The following VTI1A variants were observed in gnomAD, a reference collection of about 807,000 sequenced individuals.
The protein encoded by VTI1A is vesicle transport through interaction with t-SNAREs homolog 1A.
Under a neutral mutation model 34.9 loss-of-function variants are expected in VTI1A, and 22 were observed. The ratio of observed to expected loss-of-function variants is 0.63; its 90% CI spans 0.45 to 0.90. The LOEUF is 0.90. Ranked by LOEUF, VTI1A falls within the 40% of genes least tolerant of loss-of-function variation. VTI1A has a pLI of 0.00. For synonymous variants in VTI1A, 87 were observed against 97.3 expected (o/e 0.89, Z 0.62); for missense variants, 268 against 275.6 (o/e 0.97, Z 0.20).
At chr10:112,747,941 A>G (rs1850958445) in intron 7 of VTI1A, among the ~76,000 whole-genome samples, 1 of 152,204 alleles carries the variant, frequency 6.6e-6, no homozygotes. Flanking sequence ...ACGCCCAGAC[A>G]GGGTCCTGGA....
At chr10:112,755,166 G>A (rs1054751445) in intron 7 of VTI1A, among the ~76,000 whole-genome samples, 4 of 152,224 alleles carry the variant, frequency 2.6e-5, no homozygotes, top group South Asian at 4.1e-4. Context: ...TGAGGCACGA[G>A]AATCATTGGA....
chr10:112,638,658 T>G (rs1046677214), intron 5 of VTI1A, among the ~76,000 whole-genome samples: 2 of 152,000 alleles, frequency 1.3e-5, no homozygotes, highest in African/African-American at 4.8e-5. Flanking sequence ...TATTGTCAAA[T>G]AGATTCAGCT....
intron 3 of VTI1A, among the ~76,000 whole-genome samples, chr10:112,489,232 G>C (rs1848743805): frequency 6.6e-6 from 1 of 152,172 alleles, no homozygotes; most frequent in African/African-American, 2.4e-5. Flanking sequence ...TGATCCCTGA[G>C]ATCTCTTCCA....
intron 7 of VTI1A, among the ~76,000 whole-genome samples, chr10:112,797,065 G>A (rs1018940183): frequency 2.6e-5 from 4 of 152,156 alleles, no homozygotes; most frequent in African/African-American, 7.2e-5. Context: ...CTAGCAAGGC[G>A]GAGGTGTGCA....
chr10:112,761,770 C>CTGTGTGTG (rs57330053), intron 7 of VTI1A, among the ~76,000 whole-genome samples: 2,550 of 145,906 alleles, frequency 0.017, 66 homozygotes, highest in African/African-American at 0.06. Context: ...CTTTCTTTCT[C>CTGTGTGTG]TGTGTGTGTG....
At chr10:112,692,389 C>T (rs1234943291) in intron 7 of VTI1A, among the ~76,000 whole-genome samples, 1 of 152,246 alleles carries the variant, frequency 6.6e-6, no homozygotes, top group African/African-American at 2.4e-5. Flanking sequence ...ATGTCAGTGT[C>T]TTTCCCCTCC....
chr10:112,853,294 A>T, the VTI1A span, among the ~76,000 whole-genome samples: 221 of 152,304 alleles, frequency 1.5e-3, 2 homozygotes, highest in Admixed American at 0.011. Flanking sequence ...TCCTTGCAAG[A>T]CCTGCTTGCT....
chr10:112,493,853 G>A (rs891585291), intron 3 of VTI1A, among the ~76,000 whole-genome samples: 6 of 152,074 alleles, frequency 3.9e-5, no homozygotes, highest in African/African-American at 1.4e-4. Flanking sequence ...ATATGTTGCT[G>A]TTTGGTTTAC....
intron 4 of VTI1A, among the ~76,000 whole-genome samples, chr10:112,531,109 GCA>G (rs147243753): frequency 0.081 from 9,141 of 112,622 alleles, 490 homozygotes; most frequent in East Asian, 0.38. Flanking sequence ...ACACACGTGC[GCA>G]CGTGCGCGCG....
At position 112,815,459 on chromosome 10, in the gene VTI1A, T is replaced by G; in HGVS notation, c.*76T>G. On this transcript the variant is annotated 3_prime_UTR_variant, in exon 8 of 8. Transcript: ENST00000393077. ...TAAGACAAAATGGTCACATGAATCATTCTGTTGCGCTGACAGGCCCCAGGT... is the reference window on the plus strand; with the variant it reads ...TAAGACAAAATGGTCACATGAATCAGTCTGTTGCGCTGACAGGCCCCAGGT... 3 of 1,346,006 alleles carry G rather than the reference T, an allele frequency of 2.2e-6. No individual in the cohort carries two copies. Among genetic ancestry groups the G allele is most frequent in the Non-Finnish European group, 3.2e-6 (3 of 939,536 alleles). The allele number at this position is 1,346,006 out of a possible 1,614,324, so 83.4% of individuals were successfully genotyped here.
chr10:112,555,968 A>T (rs778738074), intron 5 of VTI1A, among the ~76,000 whole-genome samples: 16 of 152,060 alleles, frequency 1.1e-4, no homozygotes, highest in Admixed American at 2.0e-4. Flanking sequence ...TGTTGTTATT[A>T]ATGTTTGAGA....
At chr10:112,578,209 G>A (rs930240173) in intron 5 of VTI1A, among the ~76,000 whole-genome samples, 1 of 152,120 alleles carries the variant, frequency 6.6e-6, no homozygotes, top group Admixed American at 6.5e-5. Context: ...AATAACTGAG[G>A]CTCGAATTAG....
chr10:112,841,218 A>G, the VTI1A span, among the ~76,000 whole-genome samples: 4 of 152,174 alleles, frequency 2.6e-5, no homozygotes, highest in Non-Finnish European at 5.9e-5. Flanking sequence ...CCCTCTCCCC[A>G]ACTAGGCCCC....
chr10:112,694,924 A>C (rs1400638107), intron 7 of VTI1A, among the ~76,000 whole-genome samples: 1 of 152,152 alleles, frequency 6.6e-6, no homozygotes, highest in African/African-American at 2.4e-5. Context: ...AGCTGAGATC[A>C]CACCACTTCA....
intron 7 of VTI1A, among the ~76,000 whole-genome samples, chr10:112,701,987 T>C (rs1564890416): frequency 6.6e-6 from 1 of 152,106 alleles, no homozygotes; most frequent in Non-Finnish European, 1.5e-5. Flanking sequence ...TGATCATGGG[T>C]ATACTGTGTG....
chr10:112,616,752 G>A (rs912231312), intron 5 of VTI1A, among the ~76,000 whole-genome samples: 1 of 152,086 alleles, frequency 6.6e-6, no homozygotes, highest in Admixed American at 6.5e-5. Flanking sequence ...GAACCATACA[G>A]AACTTTTTGA....
chr10:112,789,653 C>T (rs918917910), intron 7 of VTI1A, among the ~76,000 whole-genome samples: 2 of 152,008 alleles, frequency 1.3e-5, no homozygotes, highest in African/African-American at 4.8e-5. Flanking sequence ...TGGATAATTT[C>T]TTTAGACAGA....
At chr10:112,481,672 G>C (rs1178598474) in intron 3 of VTI1A, among the ~76,000 whole-genome samples, 1 of 152,194 alleles carries the variant, frequency 6.6e-6, no homozygotes, top group African/African-American at 2.4e-5. Context: ...GAAATTGCTA[G>C]TAATCTGTAA....
At chr10:112,618,572 C>CGG (rs1845610427) in intron 5 of VTI1A, among the ~76,000 whole-genome samples, 1 of 116,528 alleles carries the variant, frequency 8.6e-6, no homozygotes, top group African/African-American at 3.4e-5. Context: ...GTAATATCAA[C>CGG]GGGCTGTTAA....
Sources: gnomAD v4.1 joint callset for allele counts (sites outside exome capture counted in the v4.1 genomes callset) on GRCh38, gnomAD v4.1.1 for gene constraint, MANE v1.5 for transcripts, NCBI Gene and HGNC (gene_info 2026-07-23, HGNC 2026-07-21) for gene names.